The following EFCAB6 variants were observed in gnomAD, a reference collection of about 807,000 sequenced individuals.
The protein encoded by EFCAB6 is EF-hand calcium binding domain 6, also known as EF-hand calcium-binding domain-containing protein 6.
EFCAB6 carries 156 observed loss-of-function variants against 169.8 expected under a neutral mutation model. That is an observed-to-expected ratio of 0.92 (90% CI 0.81 to 1.05). EFCAB6 has a LOEUF of 1.05. Among genes scored for constraint, EFCAB6 ranks in the 50% least tolerant of loss-of-function variants. EFCAB6 has a pLI of 0.00. For missense variants in EFCAB6, 1,800 were observed against 1,829.1 expected (o/e 0.98, Z 0.29); for synonymous variants, 698 against 676.4 (o/e 1.03, Z -0.50).
At chr22:43,748,120 C>T (rs957380590) in intron 6 of EFCAB6, among the ~76,000 whole-genome samples, 2 of 152,072 alleles carry the variant, frequency 1.3e-5, no homozygotes, top group African/African-American at 4.8e-5. Context: ...AGAGGGTGAC[C>T]GATGACTTCC....
At chr22:43,746,510 C>T (rs2060568626) in intron 6 of EFCAB6, among the ~76,000 whole-genome samples, 2 of 152,172 alleles carry the variant, frequency 1.3e-5, no homozygotes, top group Non-Finnish European at 2.9e-5. Flanking sequence ...TTTTAAAATG[C>T]TTACCTGTAA....
At chr22:43,720,707 G>C (rs1198303182) in intron 8 of EFCAB6, among the ~76,000 whole-genome samples, 2 of 151,976 alleles carry the variant, frequency 1.3e-5, no homozygotes, top group Non-Finnish European at 2.9e-5. Flanking sequence ...TTGTGAGGAA[G>C]TTGTGGTGTA....
intron 6 of EFCAB6, among the ~76,000 whole-genome samples, chr22:43,742,420 A>G (rs1007104067): frequency 1.3e-5 from 2 of 152,202 alleles, no homozygotes; most frequent in Non-Finnish European, 2.9e-5. Flanking sequence ...TCACTGACCC[A>G]TACTCCACTC....
intron 17 of EFCAB6, among the ~76,000 whole-genome samples, chr22:43,658,646 C>A (rs1569331593): frequency 6.6e-6 from 1 of 152,076 alleles, no homozygotes; most frequent in African/African-American, 2.4e-5. Flanking sequence ...GCTGCTTTTG[C>A]CCTCAGGGAA....
chr22:43,687,110 G>A (rs946934221), intron 11 of EFCAB6, among the ~76,000 whole-genome samples: 1 of 152,200 alleles, frequency 6.6e-6, no homozygotes, highest in African/African-American at 2.4e-5. Context: ...TACCTACAAT[G>A]TTACAAGGAT....
In EFCAB6 at chr22:43,590,233, A is replaced by T. The variant is rs1050879530; in HGVS notation, c.2877-4T>A. On this transcript the variant is annotated splice_region_variant and splice_polypyrimidine_tract_variant and intron_variant, in intron 23 of 31. Coordinates refer to ENST00000262726, the MANE Select transcript of EFCAB6 (RefSeq NM_022785.4). ...ATGGCGGTCCATAAGCTTATCCCTG[A>T]AAGAGAGTACATTGCAGACATACCC... The T allele has an allele frequency of 2.5e-6, 4 of 1,612,834 alleles. No individual in the cohort carries two copies. Among genetic ancestry groups the T allele is most frequent in the African/African-American group, 1.3e-5 (1 of 74,896 alleles).
At position 43,769,833 on chromosome 22, in the gene EFCAB6, A is replaced by T. The variant is rs1225209651; in HGVS notation, c.351+3059T>A. Among the ~76,000 whole-genome samples, 9 of 151,234 alleles carry T rather than the reference A, an allele frequency of 6.0e-5. No individual in the cohort carries two copies. In the East Asian group the frequency reaches 1.8e-3, roughly 30 times the overall value. ...TGATCGTGGCTCACTGCAACCTCCA[A>T]CACCTGGGCTCAAGGTGAGCTAATT... On this transcript the variant is annotated intron_variant, in intron 4 of 31. Coordinates refer to ENST00000262726, the MANE Select transcript of EFCAB6 (RefSeq NM_022785.4).
At position 43,580,659 on chromosome 22, in the gene EFCAB6, A is replaced by T. The variant is rs746079208; in HGVS notation, c.3033T>A (p.Ser1011Arg). The change falls in exon 25 of 32, where the codon AGT becomes AGA. Residue 1011 changes from serine to arginine, a missense_variant and splice_region_variant. Coordinates refer to ENST00000262726, the MANE Select transcript of EFCAB6 (RefSeq NM_022785.4). ...TEGELTHLLN[S>R]WGVSRHDNAI... ...CATTATCATGCCGGCTGACTCCCCAACTTGTCCCAAAAGGAAGAAAAGAAC... is the reference window on the plus strand; with the variant it reads ...CATTATCATGCCGGCTGACTCCCCATCTTGTCCCAAAAGGAAGAAAAGAAC... 6.2e-7 allele frequency: 1 copy of T among 1,613,450 alleles called. No homozygotes were observed. The highest frequency in any genetic ancestry group is 8.5e-7 in the Non-Finnish European group (1 of 1,179,810).
chr22:43,772,744 C>A (rs921918942), intron 4 of EFCAB6, 148 bp downstream of exon 4: 7 of 732,026 alleles, frequency 9.6e-6, no homozygotes, highest in Admixed American at 2.8e-5. Context: ...TCATCTACAT[C>A]AGCCTTAATT....
At chr22:43,585,628 C>T (rs994449073) in intron 24 of EFCAB6, among the ~76,000 whole-genome samples, 3 of 152,086 alleles carry the variant, frequency 2.0e-5, no homozygotes, top group African/African-American at 2.4e-5. Flanking sequence ...AAATTAATGA[C>T]AGACAGCAAA....
chr22:43,757,458 C>T (rs1288524351), intron 5 of EFCAB6, among the ~76,000 whole-genome samples: 1 of 152,050 alleles, frequency 6.6e-6, no homozygotes, highest in African/African-American at 2.4e-5. Flanking sequence ...GAGGCAAGAG[C>T]ATCACTTGAA....
At chr22:43,548,401 G>A (rs979404788) in intron 27 of EFCAB6, among the ~76,000 whole-genome samples, 1 of 151,618 alleles carries the variant, frequency 6.6e-6, no homozygotes, top group Non-Finnish European at 1.5e-5. Flanking sequence ...TTAGCTGGGC[G>A]TGGTGGCATG....
intron 8 of EFCAB6, among the ~76,000 whole-genome samples, chr22:43,717,590 C>A (rs1200119419): frequency 6.6e-6 from 1 of 152,058 alleles, no homozygotes; most frequent in Non-Finnish European, 1.5e-5. Context: ...AATGTATGGA[C>A]TACTCAAGCT....
At chr22:43,534,911 T>C in intron 29 of EFCAB6, 39 bp from the exon 30 acceptor site, 1 of 1,560,402 alleles carries the variant, frequency 6.4e-7, no homozygotes, top group Non-Finnish European at 8.7e-7. Flanking sequence ...TGGCGATTCA[T>C]TCATTCATTC....
chr22:43,696,773 G>C (rs2058591640), intron 10 of EFCAB6, among the ~76,000 whole-genome samples: 2 of 152,270 alleles, frequency 1.3e-5, no homozygotes, highest in African/African-American at 2.4e-5. Context: ...CAGAGAGCAA[G>C]TCAATGGTTG....
At chr22:43,640,786 T>C (rs999408124) in intron 17 of EFCAB6, among the ~76,000 whole-genome samples, 1 of 152,210 alleles carries the variant, frequency 6.6e-6, no homozygotes, top group African/African-American at 2.4e-5. Flanking sequence ...TACTGATTTA[T>C]TGACTTACTT....
intron 17 of EFCAB6, among the ~76,000 whole-genome samples, chr22:43,664,346 T>C (rs1367929669): frequency 2.0e-5 from 3 of 152,224 alleles, no homozygotes; most frequent in Non-Finnish European, 4.4e-5. Context: ...CCCTACTATG[T>C]GCAAAGCACT....
chr22:43,618,165 GGAAA>G (rs1172174002), intron 20 of EFCAB6, among the ~76,000 whole-genome samples: 3,138 of 68,016 alleles, frequency 0.046, 91 homozygotes, highest in Non-Finnish European at 0.055. Context: ...AAGGAAGGAA[GGAAA>G]GAAAGAAAGA....
At chr22:43,736,585 T>C (rs1024447528) in intron 6 of EFCAB6, among the ~76,000 whole-genome samples, 20 of 152,098 alleles carry the variant, frequency 1.3e-4, no homozygotes, top group African/African-American at 4.8e-4. Flanking sequence ...GCACACGACA[T>C]TAGGATAGGC....
Sources: gnomAD v4.1 joint callset for allele counts (sites outside exome capture counted in the v4.1 genomes callset) on GRCh38, gnomAD v4.1.1 for gene constraint, MANE v1.5 for transcripts, NCBI Gene and HGNC (gene_info 2026-07-23, HGNC 2026-07-21) for gene names.